Variants in KIT observed in about 807,000 individuals in gnomAD.
The protein encoded by KIT is KIT proto-oncogene, receptor tyrosine kinase.
Under a neutral mutation model 105.7 loss-of-function variants are expected in KIT, and 16 were observed. That is an observed-to-expected ratio of 0.15 (90% CI 0.10 to 0.23). The LOEUF (loss-of-function observed/expected upper bound fraction) is 0.23, where lower values mean the gene tolerates loss of function less well. KIT is among the 10% of genes least tolerant of loss of function. KIT has a pLI of 1.00. For missense variants in KIT, 858 were observed against 1,213.8 expected, an observed-to-expected ratio of 0.71 and a Z score of 4.36; for synonymous variants, 438 against 441.1, an observed-to-expected ratio of 0.99 and a Z score of 0.09.
chr4:54,713,194 AT>A (rs1294321441), intron 7 of KIT, among the ~76,000 whole-genome samples: 4 of 151,984 alleles, frequency 2.6e-5, no homozygotes, highest in Admixed American at 1.3e-4. Context: ...GATTTCTGAG[AT>A]TTTGGTGCAC....
At position 54,695,745 on chromosome 4, in the gene KIT, C is replaced by T. The variant is rs781130745; in HGVS notation, c.301C>T (p.His101Tyr). 24 of 1,614,106 alleles carry T rather than the reference C, an allele frequency of 1.5e-5. No homozygotes were observed. Among genetic ancestry groups the T allele is most frequent in the Middle Eastern group, 3.3e-4 (2 of 6,084 alleles). Residue 101 changes from histidine to tyrosine, a missense_variant, in exon 2 of 21, where the codon CAC becomes TAC. By Grantham distance (83) the His-to-Tyr change is moderately conservative (BLOSUM62 2). Around this residue, in one of 7 missense-constraint regions of KIT, gnomAD observed 401 missense variants for 601.0 expected, o/e 0.67. Transcript: ENST00000288135. ...CGGCAAATACACGTGCACCAACAAA[C>T]ACGGCTTAAGCAATTCCATTTATGT... ...NTGKYTCTNK[H>Y]GLSNSIYVFV...
At chr4:54,722,277 C>T (rs1721924169) in intron 7 of KIT, among the ~76,000 whole-genome samples, 1 of 152,192 alleles carries the variant, frequency 6.6e-6, no homozygotes, top group Non-Finnish European at 1.5e-5. Context: ...AGGCTTGAGC[C>T]ACCGTGCCCA....
intron 7 of KIT, among the ~76,000 whole-genome samples, chr4:54,717,125 AT>A (rs1721552224): frequency 6.6e-6 from 1 of 152,182 alleles, no homozygotes; most frequent in Non-Finnish European, 1.5e-5. Context: ...ACACTCTAAT[AT>A]CTCTTTCTCC....
At chr4:54,688,339 A>C (rs980444485) in intron 1 of KIT, among the ~76,000 whole-genome samples, 3 of 152,256 alleles carry the variant, frequency 2.0e-5, no homozygotes, top group Non-Finnish European at 4.4e-5. Flanking sequence ...GTGGTTAAAC[A>C]CTATGTGAAC....
At chr4:54,663,008 A>G (rs1717404548) in intron 1 of KIT, among the ~76,000 whole-genome samples, 2 of 146,872 alleles carry the variant, frequency 1.4e-5, no homozygotes, top group Non-Finnish European at 3.0e-5. Context: ...AAAAAAAACT[A>G]CACATCTTGT....
At chr4:54,719,773 G>T (rs1047168515) in intron 7 of KIT, among the ~76,000 whole-genome samples, 1 of 152,038 alleles carries the variant, frequency 6.6e-6, no homozygotes, top group African/African-American at 2.4e-5. Context: ...TGCCAAACAC[G>T]GTGCATTGAG....
At chr4:54,670,978 A>G (rs1415237215) in intron 1 of KIT, among the ~76,000 whole-genome samples, 2 of 74,148 alleles carry the variant, frequency 2.7e-5, no homozygotes, top group East Asian at 4.8e-4. Flanking sequence ...AGTTTTAATA[A>G]TAACTGTTGT....
rs1024780037 is a variant in KIT, at chr4:54,702,904, G to GT, written c.757-813dup. On this transcript the variant is annotated intron_variant, in intron 4 of 20. Transcript: ENST00000288135. Reference sequence around the variant, plus strand: ...TTAGCTCCTTTTACTTTAATTGGTTGTTTTTTTCCCCATTGTAATAGGAGT... The same window carrying GT: ...TTAGCTCCTTTTACTTTAATTGGTTGTTTTTTTTCCCCATTGTAATAGGAGT... Among the ~76,000 whole-genome samples, 26 of 152,136 alleles carry GT rather than the reference G, an allele frequency of 1.7e-4. No individual in the cohort carries two copies. In the East Asian group the frequency reaches 1.7e-3, roughly 10 times the overall value.
At chr4:54,670,017 C>T (rs1408527612) in intron 1 of KIT, among the ~76,000 whole-genome samples, 1 of 152,170 alleles carries the variant, frequency 6.6e-6, no homozygotes, top group Non-Finnish European at 1.5e-5. Context: ...CCCACCATGT[C>T]CCTGCCCCAG....
At chr4:54,702,749 G>A (rs1000669760) in intron 4 of KIT, among the ~76,000 whole-genome samples, 1 of 152,214 alleles carries the variant, frequency 6.6e-6, no homozygotes, top group African/African-American at 2.4e-5. Context: ...TGATCAGAGG[G>A]TATGAACATC....
chr4:54,723,172 A>C (rs1722001005), intron 7 of KIT, among the ~76,000 whole-genome samples: 1 of 152,038 alleles, frequency 6.6e-6, no homozygotes, highest in Admixed American at 6.6e-5. Flanking sequence ...TCCAGTTCCC[A>C]CAATAACTTG....
At chr4:54,705,646 G>T (rs572767790) in intron 5 of KIT, among the ~76,000 whole-genome samples, 1 of 152,242 alleles carries the variant, frequency 6.6e-6, no homozygotes, top group South Asian at 2.1e-4. Context: ...ACTTTGGGAG[G>T]CTGAGGCGGG....
rs779561271 is a variant in KIT, at chr4:54,657,979, G to A, written c.-36G>A. The A allele has an allele frequency of 1.9e-6, 3 of 1,608,040 alleles. No individual in the cohort carries two copies. Among genetic ancestry groups the A allele is most frequent in the South Asian group, 1.1e-5 (1 of 90,766 alleles). On this transcript the variant is annotated 5_prime_UTR_variant, in exon 1 of 21. The change creates a new upstream start codon in the 5' untranslated region. Transcript: ENST00000288135. ...GCTGCACTTGGGCGAGAGCTGGAACGTGGACCAGAGCTCGGATCCCATCGC... is the reference window on the plus strand; with the variant it reads ...GCTGCACTTGGGCGAGAGCTGGAACATGGACCAGAGCTCGGATCCCATCGC...
At chr4:54,659,894 T>TC (rs1717120058) in intron 1 of KIT, among the ~76,000 whole-genome samples, 1 of 152,098 alleles carries the variant, frequency 6.6e-6, no homozygotes, top group Admixed American at 6.5e-5. Flanking sequence ...GGGGGCAGTG[T>TC]GGTGTAACGA....
At chr4:54,678,083 G>A (rs1210720966) in intron 1 of KIT, among the ~76,000 whole-genome samples, 1 of 152,162 alleles carries the variant, frequency 6.6e-6, no homozygotes, top group Non-Finnish European at 1.5e-5. Flanking sequence ...TAGATTAAGT[G>A]AATGTAATAA....
chr4:54,699,885 T>C (rs1720345332), intron 4 of KIT, 119 bp downstream of exon 4: 1 of 1,061,912 alleles, frequency 9.4e-7, no homozygotes, highest in Admixed American at 1.7e-5. Flanking sequence ...AGGTGGATTG[T>C]CTGGGAGAGT....
At chr4:54,684,685 C>T (rs1238117495) in intron 1 of KIT, among the ~76,000 whole-genome samples, 1 of 152,192 alleles carries the variant, frequency 6.6e-6, no homozygotes, top group East Asian at 1.9e-4. Flanking sequence ...CCCACAGTTG[C>T]TGCTCCCCCG....
chr4:54,710,315 G>T (rs1721063840), intron 7 of KIT, among the ~76,000 whole-genome samples: 1 of 152,180 alleles, frequency 6.6e-6, no homozygotes, highest in Non-Finnish European at 1.5e-5. Flanking sequence ...TGCAAGGGAG[G>T]CCCCTAAAGA....
chr4:54,677,490 C>G (rs1352419983), intron 1 of KIT, among the ~76,000 whole-genome samples: 1 of 152,140 alleles, frequency 6.6e-6, no homozygotes, highest in African/African-American at 2.4e-5. Flanking sequence ...GGGTCAGAAG[C>G]CAGCAGCCTG....
Sources: allele counts gnomAD v4.1 joint callset (sites outside exome capture counted in the v4.1 genomes callset), GRCh38; gene constraint gnomAD v4.1.1; regional missense constraint gnomAD v4.1.1; transcripts MANE v1.5; gene names NCBI Gene and HGNC (gene_info 2026-07-23, HGNC 2026-07-21).